TOX3: variants seen among roughly 807,000 people sequenced by gnomAD.
TOX3 encodes the protein CAG trinucleotide repeat-containing gene F9 protein.
A neutral mutation model predicts 64.3 loss-of-function variants in TOX3; 22 were observed. The observed-to-expected ratio is 0.34, with a 90% confidence interval of 0.24 to 0.49. TOX3 has a LOEUF of 0.49. TOX3 is among the 20% of genes least tolerant of loss of function. The pLI is 0.99. For missense variants in TOX3, 661 were observed against 714.4 expected (o/e 0.93, Z 0.85); for synonymous variants, 291 against 273.6 (o/e 1.06, Z -0.63).
chr16:52,470,892 C>T (rs1961022637), intron 1 of TOX3, among the ~76,000 whole-genome samples: 1 of 152,160 alleles, frequency 6.6e-6, no homozygotes, highest in Non-Finnish European at 1.5e-5. Flanking sequence ...ACTTGCTGAT[C>T]AGGCGGGAAC....
chr16:52,501,442 C>T (rs1371812415), intron 1 of TOX3, among the ~76,000 whole-genome samples: 2 of 152,046 alleles, frequency 1.3e-5, no homozygotes, highest in Non-Finnish European at 2.9e-5. Flanking sequence ...GAGGCTGAGG[C>T]GGGCGGATCA....
chr16:52,541,581 CT>C (rs1231478410), intron 1 of TOX3, among the ~76,000 whole-genome samples: 1 of 152,124 alleles, frequency 6.6e-6, no homozygotes, highest in East Asian at 1.9e-4. Context: ...ACAACCAAGC[CT>C]TTTTTAATAC....
At position 52,439,669 on chromosome 16, in the gene TOX3, G is replaced by A. The variant is rs769001055; in HGVS notation, c.1287C>T (p.Ser429=). ...MGTTMVGSAP[S]TQVSPSVQTQ... is the part of the protein sequence containing the mutation. ...TTTGCACCGAAGGACTCACTTGGGT[G>A]GAGGGTGCTGAGCCAACCATGGTCG... Residue 429 remains serine (S), a synonymous_variant, in exon 7 of 7, where the codon TCC becomes TCT. Coordinates refer to ENST00000219746, the MANE Select transcript of TOX3 (RefSeq NM_001080430.4). 1.1e-5 allele frequency: 18 copies of A among 1,613,768 alleles called. No individual in the cohort carries two copies. In the Admixed American group the frequency reaches 1.3e-4, roughly 12 times the overall value.
At chr16:52,515,081 C>T (rs2151474817) in intron 1 of TOX3, among the ~76,000 whole-genome samples, 1 of 141,366 alleles carries the variant, frequency 7.1e-6, no homozygotes, top group Admixed American at 7.2e-5. Flanking sequence ...GAGCTCGAGT[C>T]TGTCTTGTTT....
chr16:52,442,400 G>A (rs995309547), intron 6 of TOX3, among the ~76,000 whole-genome samples: 10 of 152,112 alleles, frequency 6.6e-5, no homozygotes, highest in Admixed American at 3.3e-4. Context: ...CACAAAGATC[G>A]ACTTCATTTC....
chr16:52,500,305 T>A (rs552057313), intron 1 of TOX3, among the ~76,000 whole-genome samples: 1 of 152,278 alleles, frequency 6.6e-6, no homozygotes, highest in East Asian at 1.9e-4. Flanking sequence ...ATAAAACAGG[T>A]ACAACCCATG....
chr16:52,487,039 A>G (rs1459820135), intron 1 of TOX3, among the ~76,000 whole-genome samples: 1 of 152,228 alleles, frequency 6.6e-6, no homozygotes, highest in Admixed American at 6.5e-5. Flanking sequence ...TGCCCCTAGC[A>G]TATAAATTAT....
chr16:52,544,875 T>C (rs747468198), intron 1 of TOX3, among the ~76,000 whole-genome samples: 11 of 152,140 alleles, frequency 7.2e-5, no homozygotes, highest in Non-Finnish European at 1.5e-4. Flanking sequence ...GTACAATAGG[T>C]TTCTATTTTG....
chr16:52,485,989 A>C (rs750009367), intron 1 of TOX3, among the ~76,000 whole-genome samples: 1 of 152,190 alleles, frequency 6.6e-6, no homozygotes, highest in Non-Finnish European at 1.5e-5. Flanking sequence ...GTCTTCCAGC[A>C]GTGGGCCAAA....
intron 1 of TOX3, among the ~76,000 whole-genome samples, chr16:52,481,653 G>A (rs1596812585): frequency 6.6e-6 from 1 of 152,150 alleles, no homozygotes; most frequent in East Asian, 1.9e-4. Flanking sequence ...AAGAAATTAT[G>A]GGAATCTATG....
chr16:52,473,996 T>C (rs1961131631), intron 1 of TOX3, among the ~76,000 whole-genome samples: 1 of 152,140 alleles, frequency 6.6e-6, no homozygotes, highest in South Asian at 2.1e-4. Context: ...AACTCCTAGA[T>C]GAGGATCCCC....
chr16:52,453,973 C>T (rs1960439490), intron 3 of TOX3, among the ~76,000 whole-genome samples: 2 of 152,148 alleles, frequency 1.3e-5, no homozygotes, highest in Admixed American at 6.5e-5. Flanking sequence ...CTAATTTAAT[C>T]CCCTAGATTG....
chr16:52,470,055 G>T (rs1170303645), intron 1 of TOX3, among the ~76,000 whole-genome samples: 2 of 152,174 alleles, frequency 1.3e-5, no homozygotes, highest in Non-Finnish European at 2.9e-5. Context: ...GCTTAAGAAA[G>T]ACCTTTATCT....
intron 1 of TOX3, among the ~76,000 whole-genome samples, chr16:52,545,790 C>T (rs988946921): frequency 6.6e-6 from 1 of 152,112 alleles, no homozygotes; most frequent in Non-Finnish European, 1.5e-5. Context: ...GGGAATTCCG[C>T]GCGGCCCGGG....
intron 1 of TOX3, among the ~76,000 whole-genome samples, chr16:52,476,504 CTT>C (rs906627927): frequency 8.9e-5 from 13 of 146,222 alleles, no homozygotes; most frequent in African/African-American, 3.2e-4. Context: ...TTTTTTCTTG[CTT>C]TTTTTTTTAG....
intron 1 of TOX3, among the ~76,000 whole-genome samples, chr16:52,491,678 T>C (rs935331128): frequency 5.3e-5 from 8 of 152,132 alleles, no homozygotes. Flanking sequence ...TTTTGCTCCC[T>C]CTTTTGTTCT....
chr16:52,454,439 G>A (rs1286492388), intron 3 of TOX3, among the ~76,000 whole-genome samples: 1 of 152,086 alleles, frequency 6.6e-6, no homozygotes, highest in East Asian at 1.9e-4. Flanking sequence ...CATAATTGAT[G>A]CATCAAAATG....
intron 1 of TOX3, among the ~76,000 whole-genome samples, chr16:52,536,102 C>T (rs1278132815): frequency 6.6e-6 from 1 of 152,164 alleles, no homozygotes; most frequent in East Asian, 1.9e-4. Flanking sequence ...CCAGGCACTT[C>T]TCTAAATGTG....
At chr16:52,533,027 C>T (rs1243876697) in intron 1 of TOX3, among the ~76,000 whole-genome samples, 4 of 152,130 alleles carry the variant, frequency 2.6e-5, no homozygotes, top group Non-Finnish European at 4.4e-5. Context: ...GTGTCAGTAA[C>T]GTAACAAGGA....
Sources: allele counts gnomAD v4.1 joint callset (sites outside exome capture counted in the v4.1 genomes callset), GRCh38; gene constraint gnomAD v4.1.1; transcripts MANE v1.5; gene names NCBI Gene and HGNC (gene_info 2026-07-23, HGNC 2026-07-21).